The following TSHZ3 variants were observed in gnomAD, a reference collection of about 807,000 sequenced individuals.
TSHZ3 encodes the protein teashirt homolog 3.
A neutral mutation model predicts 64.5 loss-of-function variants in TSHZ3; 10 were observed. That is an observed-to-expected ratio of 0.16 (90% confidence interval 0.10 to 0.26). The LOEUF (loss-of-function observed/expected upper bound fraction) is 0.26. Ranked by LOEUF, TSHZ3 falls within the 10% of genes least tolerant of loss-of-function variation. The probability of loss-of-function intolerance (pLI) is 1.00; values close to 1 mark genes in which losing one functional copy is unlikely to be tolerated. For missense variants in TSHZ3, 1,242 were observed against 1,421.7 expected (o/e 0.87, Z 2.03); for synonymous variants, 608 against 593.1 (o/e 1.03, Z -0.36).
chr19:31,270,246 T>C (rs1976116807), downstream of TSHZ3, among the ~76,000 whole-genome samples: 1 of 152,234 alleles, frequency 6.6e-6, no homozygotes, highest in Non-Finnish European at 1.5e-5. Flanking sequence ...GAAATACCCA[T>C]GAACTGGAAA....
At chr19:31,242,431 G>T (rs1421855528) in exon 3 of TSHZ3, among the ~76,000 whole-genome samples, 2 of 152,290 alleles carry the variant, frequency 1.3e-5, no homozygotes, top group Admixed American at 6.5e-5. Context: ...TGGGGCAGGG[G>T]TTGCTGCTAC....
At chr19:31,171,486 T>G (rs1161051283) in intron 5 of TSHZ3, among the ~76,000 whole-genome samples, 3 of 151,506 alleles carry the variant, frequency 2.0e-5, no homozygotes, top group African/African-American at 7.3e-5. Context: ...AATCTCAGAG[T>G]TTGGATGTGG....
chr19:31,286,788 GTC>G (rs964854932), intron 1 of TSHZ3, among the ~76,000 whole-genome samples: 6 of 152,160 alleles, frequency 3.9e-5, no homozygotes, highest in African/African-American at 1.4e-4. Flanking sequence ...TTCCAGGAGG[GTC>G]CAGCATCCCC....
At chr19:31,184,176 T>C (rs36097449) in intron 5 of TSHZ3, among the ~76,000 whole-genome samples, 1 of 152,202 alleles carries the variant, frequency 6.6e-6, no homozygotes, top group Non-Finnish European at 1.5e-5. Context: ...TTCTTTTTTG[T>C]TGCAATCATC....
Position 31,276,240 on chromosome 19 carries a change from CTTAA to C in TSHZ3, c.*303_*306del, listed in dbSNP as rs1013664552. On this transcript the variant is annotated 3_prime_UTR_variant, in exon 2 of 2. Transcript: ENST00000240587. The stretch of plus-strand genomic sequence containing the variant: ...GGTGTGCCTGATTCCGTTATAAATG[CTTAA>C]TTAAACTGTCTGTTAATGCATGCAG... 10 of 239,362 alleles carry C rather than the reference CTTAA, an allele frequency of 4.2e-5. No individual in the cohort carries two copies. The highest frequency in any genetic ancestry group is 3.3e-4 in the Admixed American group (6 of 17,998). The allele number at this position is 239,362 out of a possible 1,614,324, so 14.8% of individuals were successfully genotyped here. A position where few individuals can be genotyped will look rare whatever the true frequency, so the allele number is the denominator to read the frequency against.
intron 1 of TSHZ3, among the ~76,000 whole-genome samples, chr19:31,267,544 C>T (rs979002585): frequency 7.9e-5 from 12 of 152,144 alleles, no homozygotes; most frequent in Non-Finnish European, 7.3e-5. Flanking sequence ...CTCCTTCTTT[C>T]CCCTGCCCCC....
At chr19:31,282,930 G>A (rs1976390340) in intron 1 of TSHZ3, among the ~76,000 whole-genome samples, 1 of 152,190 alleles carries the variant, frequency 6.6e-6, no homozygotes, top group South Asian at 2.1e-4. Context: ...TGTGACGTGG[G>A]CCTCACTCCC....
intron 1 of TSHZ3, among the ~76,000 whole-genome samples, chr19:31,260,774 A>G (rs1412073391): frequency 2.0e-5 from 3 of 152,170 alleles, no homozygotes; most frequent in Non-Finnish European, 4.4e-5. Context: ...CAGTTAGAGA[A>G]TGGCCTCCTC....
chr19:31,235,992 G>A (rs977452220), intron 3 of TSHZ3, among the ~76,000 whole-genome samples: 8 of 151,980 alleles, frequency 5.3e-5, no homozygotes, highest in African/African-American at 1.7e-4. Flanking sequence ...GAGAGCTACC[G>A]TGCCCAGCCA....
intron 4 of TSHZ3, among the ~76,000 whole-genome samples, chr19:31,215,597 G>A (rs980504143): frequency 6.6e-6 from 1 of 152,222 alleles, no homozygotes; most frequent in Non-Finnish European, 1.5e-5. Context: ...TCTAAGCTGG[G>A]TGTGGTGGCT....
At chr19:31,236,448 A>G (rs1052061864) in intron 3 of TSHZ3, among the ~76,000 whole-genome samples, 8 of 152,318 alleles carry the variant, frequency 5.3e-5, no homozygotes, top group African/African-American at 1.9e-4. Context: ...CTTTGGAGAC[A>G]TGTCCATTTA....
intron 5 of TSHZ3, among the ~76,000 whole-genome samples, chr19:31,168,636 A>G (rs1286695874): frequency 6.6e-6 from 1 of 152,216 alleles, no homozygotes; most frequent in African/African-American, 2.4e-5. Context: ...AGCAAGCTCA[A>G]CGTCTTTTGG....
chr19:31,248,715 T>C (rs1002038468), intron 1 of TSHZ3, among the ~76,000 whole-genome samples: 2 of 146,574 alleles, frequency 1.4e-5, no homozygotes, highest in Non-Finnish European at 3.0e-5. Context: ...CTCTTGAGCC[T>C]GAATGGTCGA....
intron 5 of TSHZ3, among the ~76,000 whole-genome samples, chr19:31,179,372 C>T (rs1974663381): frequency 6.6e-6 from 1 of 152,200 alleles, no homozygotes; most frequent in Non-Finnish European, 1.5e-5. Context: ...AATACTCTGA[C>T]TGTCCTCTGA....
intron 1 of TSHZ3, among the ~76,000 whole-genome samples, chr19:31,259,346 T>C (rs1001839642): frequency 1.3e-5 from 2 of 152,190 alleles, no homozygotes; most frequent in African/African-American, 4.8e-5. Flanking sequence ...TTTTGGTCAT[T>C]GTACTCTTTT....
chr19:31,278,961 T>C lies in TSHZ3; in HGVS notation c.832A>G (p.Met278Val). Residue 278 changes from methionine (M) to valine (V), a missense_variant, in exon 2 of 2, where the codon ATG becomes GTG. Transcript: ENST00000240587. This position sits in a 1 kb window ranked among gnomAD's most constrained non-coding sequence, Gnocchi z 4.7. ...KEDAQKVLKC[M>V]YCGHSFESLQ... is the part of the protein sequence containing the mutation. ...GACTCAAAGGAGTGGCCACAGTACATGCACTTCAGCACCTTCTGGGCGTCT... is the reference window on the plus strand; with the variant it reads ...GACTCAAAGGAGTGGCCACAGTACACGCACTTCAGCACCTTCTGGGCGTCT... 1 of 1,614,198 alleles carries C rather than the reference T, an allele frequency of 6.2e-7. No homozygotes were observed. Among genetic ancestry groups the C allele is most frequent in the Non-Finnish European group, 8.5e-7 (1 of 1,180,036 alleles).
intron 1 of TSHZ3, among the ~76,000 whole-genome samples, chr19:31,332,620 G>C (rs561537521): frequency 1.3e-5 from 2 of 152,128 alleles, no homozygotes; most frequent in Non-Finnish European, 2.9e-5. Context: ...GGGGACTCCA[G>C]TTTAGGGGAC....
At chr19:31,281,500 G>A (rs1272978564) in intron 1 of TSHZ3, among the ~76,000 whole-genome samples, 2 of 152,170 alleles carry the variant, frequency 1.3e-5, no homozygotes, top group African/African-American at 4.8e-5. Flanking sequence ...TCTTGTCCAG[G>A]AGCCATGGAT....
chr19:31,267,706 C>A (rs1976073857), intron 1 of TSHZ3, among the ~76,000 whole-genome samples: 1 of 152,084 alleles, frequency 6.6e-6, no homozygotes, highest in African/African-American at 2.4e-5. Flanking sequence ...GGAAGGGAGT[C>A]ACACAGGGGT....
Sources: allele counts gnomAD v4.1 joint callset (sites outside exome capture counted in the v4.1 genomes callset), GRCh38; gene constraint gnomAD v4.1.1; non-coding constraint Gnocchi (gnomAD v3.1); transcripts MANE v1.5; gene names NCBI Gene and HGNC (gene_info 2026-07-23, HGNC 2026-07-21).